The following MTAP variants were observed in gnomAD, a reference collection of about 807,000 sequenced individuals.
MTAP encodes S-methyl-5'-thioadenosine phosphorylase.
MTAP carries 33 observed loss-of-function variants against 33.6 expected under a neutral mutation model. That is an observed-to-expected ratio of 0.98 (90% CI 0.74 to 1.31). The LOEUF (loss-of-function observed/expected upper bound fraction) is 1.31, where lower values mean the gene tolerates loss of function less well. MTAP is among the 40% of genes most tolerant of loss of function. MTAP has a pLI of 0.00. For missense variants in MTAP, 367 were observed against 360.0 expected (o/e 1.02, Z -0.16); for synonymous variants, 148 against 125.7 (o/e 1.18, Z -1.19).
intron 1 of MTAP, among the ~76,000 whole-genome samples, chr9:21,896,820 C>G (rs138372361): frequency 9.2e-4 from 140 of 152,294 alleles, no homozygotes; most frequent in African/African-American, 3.3e-3. Context: ...GGAGCTGGTA[C>G]CATTCCTTCT....
At chr9:21,851,263 A>G (rs1193316899) in intron 5 of MTAP, among the ~76,000 whole-genome samples, 4 of 152,218 alleles carry the variant, frequency 2.6e-5, no homozygotes, top group African/African-American at 9.6e-5. Context: ...AGAAGAAGGT[A>G]GTCATCGATA....
intron 7 of MTAP, chr9:21,861,634 A>G (rs193045121): frequency 9.4e-4 from 229 of 243,820 alleles, no homozygotes; most frequent in Non-Finnish European, 1.2e-3. Context: ...AAAAATTTCA[A>G]TGATTTCTTA....
chr9:21,900,083 GA>G (rs1400704716), intron 1 of MTAP, among the ~76,000 whole-genome samples: 3 of 152,080 alleles, frequency 2.0e-5, no homozygotes, highest in Non-Finnish European at 4.4e-5. Context: ...AACCCTAGAA[GA>G]AAACCTAGGA....
At chr9:21,927,200 A>G (rs1174779703) in intron 1 of MTAP, among the ~76,000 whole-genome samples, 2 of 152,178 alleles carry the variant, frequency 1.3e-5, no homozygotes, top group African/African-American at 4.8e-5. Context: ...AACTCAAACC[A>G]TCAGGCCATC....
chr9:21,931,303 G>A, downstream of MTAP: 10 of 577,362 alleles, frequency 1.7e-5, 1 homozygote, highest in South Asian at 2.2e-4. Flanking sequence ...TTGGGTCATG[G>A]ATTTTTGCGG....
chr9:21,891,192 A>C (rs1330754419), intron 1 of MTAP, among the ~76,000 whole-genome samples: 1 of 152,182 alleles, frequency 6.6e-6, no homozygotes, highest in Non-Finnish European at 1.5e-5. Context: ...ACAGATGAAA[A>C]AGAACCAGAA....
rs989103885 is a variant in MTAP, at chr9:21,863,572, G to C, written c.*1558G>C. The C allele has an allele frequency of 3.8e-5, 33 of 868,794 alleles. No homozygotes were observed. In the African/African-American group the frequency reaches 5.5e-4, roughly 14 times the overall value. 53.8% of individuals were successfully genotyped at this position (868,794 alleles called of 1,614,324 possible). Reference sequence around the variant, plus strand: ...CAGTGAGCAGAGCTTGCAGTGAGACGAGCTTGTGCCACTGCACTCCAGCCT... The same window carrying C: ...CAGTGAGCAGAGCTTGCAGTGAGACCAGCTTGTGCCACTGCACTCCAGCCT... On this transcript the variant is annotated 3_prime_UTR_variant, in exon 8 of 8. Transcript: ENST00000644715.
chr9:21,823,796 A>G (rs915033852), intron 4 of MTAP, among the ~76,000 whole-genome samples: 3 of 152,154 alleles, frequency 2.0e-5, no homozygotes. Flanking sequence ...TATTTCTTGG[A>G]GGCTTCGTTC....
downstream of MTAP, among the ~76,000 whole-genome samples, chr9:21,938,433 T>C (rs1040750764): frequency 2.7e-5 from 4 of 147,550 alleles, no homozygotes; most frequent in African/African-American, 1.0e-4. Flanking sequence ...AGTGAGACCT[T>C]GGAAAAAAAA....
intron 1 of MTAP, among the ~76,000 whole-genome samples, chr9:21,927,170 G>T (rs1237560315): frequency 6.6e-6 from 1 of 152,178 alleles, no homozygotes; most frequent in Non-Finnish European, 1.5e-5. Flanking sequence ...CTGAAAGTAA[G>T]CTGTAGCCCT....
intron 4 of MTAP, among the ~76,000 whole-genome samples, chr9:21,826,845 G>T (rs7044548): frequency 0.013 from 1,902 of 152,034 alleles, 31 homozygotes; most frequent in African/African-American, 0.044. Flanking sequence ...TGAGCCGTGG[G>T]GCGAGAGCGA....
chr9:21,869,958 C>T (rs1825911997), downstream of MTAP, among the ~76,000 whole-genome samples: 1 of 152,186 alleles, frequency 6.6e-6, no homozygotes. Flanking sequence ...ATCTCTCTGA[C>T]TTCCTCTCAC....
intron 1 of MTAP, among the ~76,000 whole-genome samples, chr9:21,909,127 TA>T (rs541107879): frequency 3.2e-4 from 48 of 152,246 alleles, no homozygotes; most frequent in African/African-American, 1.1e-3. Context: ...CTTTTCTGTT[TA>T]GAAAAATTCC....
intron 1 of MTAP, among the ~76,000 whole-genome samples, chr9:21,876,317 T>C (rs1041489030): frequency 6.6e-6 from 1 of 152,152 alleles, no homozygotes. Context: ...ATTCTATAGG[T>C]TGTCTGTTTA....
chr9:21,897,648 A>T (rs1818318396), intron 1 of MTAP, among the ~76,000 whole-genome samples: 1 of 152,242 alleles, frequency 6.6e-6, no homozygotes, highest in Non-Finnish European at 1.5e-5. Context: ...CAAAGAGAAT[A>T]AAATAGCTGG....
In MTAP at chr9:21,802,717, T is replaced by C. The variant is rs759155085; in HGVS notation, c.-32T>C. The C allele has an allele frequency of 3.1e-6, 5 of 1,610,056 alleles. No homozygotes were observed. Among genetic ancestry groups the C allele is most frequent in the Non-Finnish European group, 4.2e-6 (5 of 1,179,044 alleles). On this transcript the variant is annotated 5_prime_UTR_variant, in exon 1 of 8. Coordinates refer to ENST00000644715, the MANE Select transcript of MTAP (RefSeq NM_002451.4). ...GCTTGGTTCCCTTAGTCCCGAGCGC[T>C]CGCCCACTGCAGATTCCTTTCCCGT...
chr9:21,877,485 G>T (rs994399266), intron 1 of MTAP, among the ~76,000 whole-genome samples: 1 of 152,032 alleles, frequency 6.6e-6, no homozygotes, highest in East Asian at 1.9e-4. Flanking sequence ...TATGATATTG[G>T]CTTTGGATTT....
chr9:21,828,860 CT>C (rs898331324), intron 4 of MTAP, among the ~76,000 whole-genome samples: 57 of 152,304 alleles, frequency 3.7e-4, no homozygotes, highest in African/African-American at 1.2e-3. Flanking sequence ...ATGTAGGTGG[CT>C]AACATCATAT....
intron 1 of MTAP, among the ~76,000 whole-genome samples, chr9:21,896,682 G>A (rs1818299367): frequency 6.6e-6 from 1 of 152,090 alleles, no homozygotes; most frequent in Admixed American, 6.6e-5. Flanking sequence ...GACTAAACCA[G>A]GAAGAAGTTG....
Sources: allele counts gnomAD v4.1 joint callset (sites outside exome capture counted in the v4.1 genomes callset), GRCh38; gene constraint gnomAD v4.1.1; transcripts MANE v1.5; gene names NCBI Gene and HGNC (gene_info 2026-07-23, HGNC 2026-07-21).